ZDHHC11B: variants seen among roughly 807,000 people sequenced by gnomAD.
The protein encoded by ZDHHC11B is probable palmitoyltransferase ZDHHC11B.
A neutral mutation model predicts 42.3 loss-of-function variants in ZDHHC11B; 17 were observed. The observed-to-expected ratio is 0.40, with a 90% CI of 0.27 to 0.60. The LOEUF is 0.60. ZDHHC11B is among the 20% of genes least tolerant of loss of function. The pLI is 0.41. For synonymous variants in ZDHHC11B, 123 were observed against 193.5 expected (o/e 0.64, Z 3.02); for missense variants, 262 against 463.2 (o/e 0.57, Z 3.99).
Position 723,613 on chromosome 5 carries a change from C to T in ZDHHC11B, c.1059-6748G>A, listed in dbSNP as rs539315471. Among the ~76,000 whole-genome samples, 10 of 110,942 alleles carry T rather than the reference C, an allele frequency of 9.0e-5. 1 individual carries two copies. In the East Asian group the frequency reaches 1.5e-3, roughly 17 times the overall value. The allele number at this position is 110,942 out of a possible 152,430, so 72.8% of individuals were successfully genotyped here. ...GGGGTATCAGAGCAACAGGATCAGA[C>T]GCAGGTCCTGGACTGAGCCTGCAGC... is the stretch of plus-strand genomic sequence containing the variant. On this transcript the variant is annotated intron_variant, in intron 12 of 13. Coordinates refer to ENST00000508859, the MANE Select transcript of ZDHHC11B (RefSeq NM_001351303.2).
intron 11 of ZDHHC11B, chr5:732,216 C>G (rs1293842723): frequency 6.2e-6 from 1 of 160,202 alleles, no homozygotes; most frequent in African/African-American, 2.4e-5. Flanking sequence ...GAACAATGAA[C>G]CGACGGTGTC....
At chr5:746,320 C>A (rs577901837) in intron 8 of ZDHHC11B, among the ~76,000 whole-genome samples, 4 of 147,392 alleles carry the variant, frequency 2.7e-5, no homozygotes, top group Non-Finnish European at 6.0e-5. Flanking sequence ...CCAGCCCAGC[C>A]CTCACAGGAT....
At chr5:725,497 ATTG>A (rs1342188284) in intron 12 of ZDHHC11B, among the ~76,000 whole-genome samples, 1 of 134,908 alleles carries the variant, frequency 7.4e-6, no homozygotes, top group South Asian at 2.7e-4. Context: ...AACTCGGAAT[ATTG>A]TTGTAACCTC....
chr5:777,923 G>T (rs998607675), intron 1 of ZDHHC11B, among the ~76,000 whole-genome samples: 1 of 151,844 alleles, frequency 6.6e-6, no homozygotes, highest in Non-Finnish European at 1.5e-5. Flanking sequence ...GGGAGGGGGG[G>T]CGTGGCCTCG....
intron 11 of ZDHHC11B, chr5:732,559 T>G (rs1339450505): frequency 2.6e-5 from 11 of 423,938 alleles, no homozygotes; most frequent in African/African-American, 8.2e-5. Context: ...AAGGGGCAAG[T>G]CTTGGACACC....
At chr5:780,768 C>T (rs1212323339) in intron 1 of ZDHHC11B, among the ~76,000 whole-genome samples, 2 of 151,650 alleles carry the variant, frequency 1.3e-5, no homozygotes, top group Admixed American at 1.3e-4. Context: ...ATGAGCTTCA[C>T]CCCAGTGGCT....
chr5:765,244 C>A (rs1218099501), intron 4 of ZDHHC11B, among the ~76,000 whole-genome samples: 8 of 149,026 alleles, frequency 5.4e-5, no homozygotes, highest in African/African-American at 7.3e-5. Context: ...CCAATCAGCA[C>A]CCTATGTCTA....
rs1354560564 is a variant in ZDHHC11B, at chr5:748,504, C to T, written c.684G>A (p.Val228=). The T allele has an allele frequency of 3.7e-6, 5 of 1,364,946 alleles. 1 individual carries two copies. The highest frequency in any genetic ancestry group is 1.4e-5 in the African/African-American group (1 of 72,202). 84.6% of individuals were successfully genotyped at this position (1,364,946 alleles called of 1,614,324 possible). The change falls in exon 8 of 14, where the codon GTG becomes GTA. Residue 228 remains valine, a synonymous_variant. Transcript: ENST00000508859. The part of the protein sequence containing the change: ...LLFLPLFPVQ[V]QTLIVVIIRM... The stretch of plus-strand genomic sequence containing the variant: ...TGATGATCACGACTATCAGAGTCTG[C>T]ACCTGCACCGGGAACAGGGGGAGGA...
chr5:739,465 GAC>G (rs1191526011), intron 10 of ZDHHC11B, among the ~76,000 whole-genome samples: 1 of 150,994 alleles, frequency 6.6e-6, no homozygotes, highest in Non-Finnish European at 1.5e-5. Flanking sequence ...TTCATGAAGA[GAC>G]AGTTCTCAAC....
chr5:748,390 G>T lies in ZDHHC11B; in HGVS notation c.784+14C>A, dbSNP rs773211375. Reference sequence around the variant, plus strand: ...AGGCTTGGGGGGATCGGGGGCTTAGGGTGGGGGACATACTCAGGTAGATGT... The same window carrying T: ...AGGCTTGGGGGGATCGGGGGCTTAGTGTGGGGGACATACTCAGGTAGATGT... On this transcript the variant is annotated intron_variant, in intron 8 of 13. Transcript: ENST00000508859. 15 of 1,333,728 alleles carry T rather than the reference G, an allele frequency of 1.1e-5. No individual in the cohort carries two copies. The highest frequency in any genetic ancestry group is 1.5e-5 in the Non-Finnish European group (15 of 1,006,476). The allele number at this position is 1,333,728 out of a possible 1,614,324, so 82.6% of individuals were successfully genotyped here.
At chr5:760,536 G>A (rs1734467912) in intron 4 of ZDHHC11B, among the ~76,000 whole-genome samples, 1 of 151,666 alleles carries the variant, frequency 6.6e-6, no homozygotes, top group African/African-American at 2.4e-5. Context: ...GTCTGCTGTT[G>A]CAGGCACCCG....
At position 710,820 on chromosome 5, in the gene ZDHHC11B, T is replaced by C. The variant is rs1348514661; in HGVS notation, c.*1470A>G. The C allele has an allele frequency of 6.8e-6, 1 of 146,848 alleles. No homozygotes were observed. Among genetic ancestry groups the C allele is most frequent in the African/African-American group, 2.6e-5 (1 of 38,144 alleles). The allele number at this position is 146,848 out of a possible 1,614,324, so 9.1% of individuals were successfully genotyped here. A position where few individuals can be genotyped will look rare whatever the true frequency, so the allele number is the denominator to read the frequency against. On this transcript the variant is annotated 3_prime_UTR_variant, in exon 14 of 14. Transcript: ENST00000508859. Reference sequence around the variant, plus strand: ...CCCATTTCCGAATACTGTGCTCCCATTTCCCAGTACTGTGAGCTCCCATTT... The same window carrying C: ...CCCATTTCCGAATACTGTGCTCCCACTTCCCAGTACTGTGAGCTCCCATTT...
chr5:767,074 G>A (rs1735534014), intron 3 of ZDHHC11B, 155 bp from the exon 4 acceptor site: 1 of 1,004,730 alleles, frequency 1.0e-6, no homozygotes, highest in African/African-American at 1.5e-5. Context: ...GTTCCCCGCA[G>A]AGGGAGCAGG....
chr5:724,662 T>TACACACACACAC (rs58690111), intron 12 of ZDHHC11B, among the ~76,000 whole-genome samples: 12 of 145,144 alleles, frequency 8.3e-5, no homozygotes, highest in East Asian at 6.2e-4. Flanking sequence ...GACCATCAGT[T>TACACACACACAC]ACACACACAC....
chr5:739,061 A>G (rs143966504), intron 10 of ZDHHC11B, among the ~76,000 whole-genome samples: 3,076 of 149,170 alleles, frequency 0.021, 19 homozygotes, highest in East Asian at 0.12. Flanking sequence ...CAAAGGACTA[A>G]TATCCAGAAT....
chr5:774,999 A>G (rs1409403473), intron 1 of ZDHHC11B, among the ~76,000 whole-genome samples: 1 of 151,988 alleles, frequency 6.6e-6, no homozygotes, highest in Non-Finnish European at 1.5e-5. Context: ...CCATGCTCAC[A>G]TCATCAGCAG....
intron 1 of ZDHHC11B, among the ~76,000 whole-genome samples, chr5:777,857 C>A (rs1374835249): frequency 6.6e-6 from 1 of 151,894 alleles, no homozygotes; most frequent in Non-Finnish European, 1.5e-5. Context: ...GTCCATGGGA[C>A]CCGGCGGGGG....
intron 1 of ZDHHC11B, among the ~76,000 whole-genome samples, chr5:779,722 T>G (rs1736823021): frequency 6.6e-6 from 1 of 151,924 alleles, no homozygotes; most frequent in African/African-American, 2.4e-5. Context: ...GTTCTTGGCG[T>G]GGGGGAAATT....
chr5:761,437 G>A (rs1258152436), intron 4 of ZDHHC11B, among the ~76,000 whole-genome samples: 1 of 151,866 alleles, frequency 6.6e-6, no homozygotes, highest in African/African-American at 2.4e-5. Context: ...CAGGGATGTA[G>A]GTGGAGAACT....
Sources: gnomAD v4.1 joint callset for allele counts (sites outside exome capture counted in the v4.1 genomes callset) on GRCh38, gnomAD v4.1.1 for gene constraint, MANE v1.5 for transcripts, NCBI Gene and HGNC (gene_info 2026-07-23, HGNC 2026-07-21) for gene names.